The following SLC25A21 variants were observed in gnomAD, a reference collection of about 807,000 sequenced individuals.
SLC25A21 encodes the protein mitochondrial 2-oxodicarboxylate carrier.
SLC25A21 carries 47 observed loss-of-function variants against 43.8 expected under a neutral mutation model. That is an observed-to-expected ratio of 1.07 (90% CI 0.85 to 1.37). The LOEUF (loss-of-function observed/expected upper bound fraction) is 1.37. SLC25A21 is among the 40% of genes most tolerant of loss of function. The probability of loss-of-function intolerance (pLI) is 0.00; values close to 1 mark genes in which losing one functional copy is unlikely to be tolerated. For synonymous variants in SLC25A21, 131 were observed against 121.3 expected, an observed-to-expected ratio of 1.08 and a Z score of -0.52; for missense variants, 352 against 350.2, an observed-to-expected ratio of 1.00 and a Z score of -0.04.
At chr14:36,986,722 G>A (rs1446177271) in intron 1 of SLC25A21, among the ~76,000 whole-genome samples, 1 of 152,038 alleles carries the variant, frequency 6.6e-6, no homozygotes. Flanking sequence ...GGGAGGAATT[G>A]TTTTTGAAGG....
chr14:37,050,003 C>T (rs1332478701), intron 1 of SLC25A21, among the ~76,000 whole-genome samples: 6 of 152,058 alleles, frequency 3.9e-5, no homozygotes, highest in Non-Finnish European at 7.4e-5. Flanking sequence ...AATATAGTGC[C>T]GGATATTTTT....
intron 2 of SLC25A21, chr14:36,828,334 AAGC>A (rs1888912013): frequency 6.6e-6 from 1 of 152,238 alleles, no homozygotes; most frequent in South Asian, 2.1e-4. Flanking sequence ...AATGGAATAT[AAGC>A]AGAAGTGACA....
At chr14:36,720,605 A>T (rs1283919943) in intron 6 of SLC25A21, among the ~76,000 whole-genome samples, 1 of 152,264 alleles carries the variant, frequency 6.6e-6, no homozygotes, top group Non-Finnish European at 1.5e-5. Context: ...GAGCTGACTG[A>T]AAAGGCTGAA....
At chr14:36,733,762 C>CG (rs1380697477) in intron 4 of SLC25A21, among the ~76,000 whole-genome samples, 20 of 151,942 alleles carry the variant, frequency 1.3e-4, no homozygotes, top group Admixed American at 1.3e-3. Context: ...GTCAGTGGTG[C>CG]GGGGGAGGGG....
chr14:36,784,043 T>C (rs942177588), intron 3 of SLC25A21, among the ~76,000 whole-genome samples: 1 of 152,228 alleles, frequency 6.6e-6, no homozygotes, highest in African/African-American at 2.4e-5. Context: ...TTTTCCCATT[T>C]TGTGTTGAAA....
chr14:36,990,323 G>T (rs538057373), intron 1 of SLC25A21, among the ~76,000 whole-genome samples: 1 of 152,244 alleles, frequency 6.6e-6, no homozygotes, highest in African/African-American at 2.4e-5. Flanking sequence ...CTCTCTCCAT[G>T]CAACTGATCT....
chr14:36,698,847 C>T (rs1042795423), intron 7 of SLC25A21, among the ~76,000 whole-genome samples: 8 of 152,122 alleles, frequency 5.3e-5, no homozygotes, highest in Non-Finnish European at 8.8e-5. Context: ...AGCTTCCTTG[C>T]GATGGGTTCG....
intron 3 of SLC25A21, among the ~76,000 whole-genome samples, chr14:36,802,877 G>C (rs1172547263): frequency 6.6e-6 from 1 of 152,110 alleles, no homozygotes; most frequent in Non-Finnish European, 1.5e-5. Flanking sequence ...TAATGATAGT[G>C]GGTGAGATAA....
chr14:36,764,759 C>T (rs1156630542), intron 3 of SLC25A21, among the ~76,000 whole-genome samples: 2 of 152,148 alleles, frequency 1.3e-5, no homozygotes, highest in East Asian at 1.9e-4. Flanking sequence ...GCAGGGGAGG[C>T]AGCAACTGCA....
Position 36,680,588 on chromosome 14 carries a change from G to GTCTC in SLC25A21, c.*66_*69dup. On this transcript the variant is annotated 3_prime_UTR_variant, in exon 10 of 10. Transcript: ENST00000331299. ...TAATTATACACCTGGCCGATCGATA[G>GTCTC]TCTCTCTTCTTCATGGTGCTGCATA... 6.5e-7 allele frequency: 1 copy of GTCTC among 1,547,728 alleles called. No homozygotes were observed. Among genetic ancestry groups the GTCTC allele is most frequent in the Non-Finnish European group, 8.7e-7 (1 of 1,146,986 alleles).
intron 1 of SLC25A21, among the ~76,000 whole-genome samples, chr14:36,988,303 C>T (rs1594739797): frequency 6.6e-6 from 1 of 152,176 alleles, no homozygotes; most frequent in Non-Finnish European, 1.5e-5. Context: ...TCCTTCCTAT[C>T]AAGGTTAAGG....
chr14:36,912,685 A>G (rs1311823188), intron 1 of SLC25A21, among the ~76,000 whole-genome samples: 1 of 152,210 alleles, frequency 6.6e-6, no homozygotes, highest in Admixed American at 6.5e-5. Context: ...TCACGTGGGT[A>G]AAAGTTTGCC....
At chr14:36,714,158 C>T (rs1006558380) in intron 6 of SLC25A21, among the ~76,000 whole-genome samples, 1 of 152,188 alleles carries the variant, frequency 6.6e-6, no homozygotes, top group Non-Finnish European at 1.5e-5. Flanking sequence ...ATTATGCTGA[C>T]AATCATAAAA....
chr14:36,764,152 G>GAA (rs1412034671), intron 3 of SLC25A21, among the ~76,000 whole-genome samples: 1 of 59,542 alleles, frequency 1.7e-5, no homozygotes, highest in Non-Finnish European at 2.8e-5. Flanking sequence ...AGGAAAGAAA[G>GAA]AAAGAAAGAA....
At chr14:36,735,834 T>A (rs887907371) in intron 3 of SLC25A21, among the ~76,000 whole-genome samples, 3 of 147,998 alleles carry the variant, frequency 2.0e-5, no homozygotes, top group Non-Finnish European at 4.5e-5. Context: ...TTTTTTTGTA[T>A]ATAACCAGGA....
Position 36,679,183 on chromosome 14 carries a change from T to C in SLC25A21, c.*1475A>G, listed in dbSNP as rs1882065060. 1 of 985,124 alleles carries C rather than the reference T, an allele frequency of 1.0e-6. No individual in the cohort carries two copies. Among genetic ancestry groups the C allele is most frequent in the Non-Finnish European group, 1.2e-6 (1 of 829,788 alleles). 61.0% of individuals were successfully genotyped at this position (985,124 alleles called of 1,614,324 possible). On this transcript the variant is annotated 3_prime_UTR_variant, in exon 10 of 10. Coordinates refer to ENST00000331299, the MANE Select transcript of SLC25A21 (RefSeq NM_030631.4). ...AACAGAGACACATTCTTATTTCTTT[T>C]TTTTCACAATTTTGTTTTGTTTTTA...
chr14:37,046,484 A>G (rs1397084499), intron 1 of SLC25A21, among the ~76,000 whole-genome samples: 4 of 152,274 alleles, frequency 2.6e-5, no homozygotes, highest in East Asian at 1.9e-4. Flanking sequence ...CTCTCAATAT[A>G]TATGTATTTA....
chr14:37,024,362 C>CAG (rs1215936631), intron 1 of SLC25A21, among the ~76,000 whole-genome samples: 2 of 151,990 alleles, frequency 1.3e-5, no homozygotes, highest in African/African-American at 4.8e-5. Context: ...GTAGGGTCAA[C>CAG]AGAGGGCAGT....
intron 3 of SLC25A21, among the ~76,000 whole-genome samples, chr14:36,810,665 A>G (rs1382804872): frequency 2.6e-5 from 4 of 152,156 alleles, no homozygotes; most frequent in African/African-American, 9.7e-5. Context: ...TTCATTTTGC[A>G]TCATTATGAT....
Sources: allele counts gnomAD v4.1 joint callset (sites outside exome capture counted in the v4.1 genomes callset), GRCh38; gene constraint gnomAD v4.1.1; transcripts MANE v1.5; gene names NCBI Gene and HGNC (gene_info 2026-07-23, HGNC 2026-07-21).